RMND1: variants seen among roughly 807,000 people sequenced by gnomAD.
The protein encoded by RMND1 is required for meiotic nuclear division 1 homolog, also known as required for meiotic nuclear division protein 1 homolog.
A neutral mutation model predicts 54.0 loss-of-function variants in RMND1; 41 were observed. The ratio of observed to expected loss-of-function variants is 0.76; its 90% CI spans 0.59 to 0.98. The LOEUF (loss-of-function observed/expected upper bound fraction) is 0.98, where lower values mean the gene tolerates loss of function less well. Among genes scored for constraint, RMND1 ranks in the 50% least tolerant of loss-of-function variants. RMND1 has a pLI of 0.00. For synonymous variants in RMND1, 183 were observed against 181.7 expected (o/e 1.01, Z -0.06); for missense variants, 457 against 532.0 (o/e 0.86, Z 1.39).
rs781626994 is a variant in RMND1, at chr6:151,433,177, G to C, written c.667C>G (p.Pro223Ala). 4.3e-6 allele frequency: 7 copies of C among 1,611,316 alleles called. No homozygotes were observed. Among genetic ancestry groups the C allele is most frequent in the Non-Finnish European group, 5.9e-6 (7 of 1,178,230 alleles). ...TACCTGAAGAAGAATATTGTTCCAG[G>C]ATCACCTTCTTTTGCAGAATTTTCC... ...GVENSAKEGD[P>A]GTIFFFREGA... Residue 223 changes from proline to alanine, a missense_variant, in exon 4 of 12, where the codon CCT (proline) becomes GCT (alanine). Physicochemically the swap from Pro to Ala is conservative, Grantham distance 27 (BLOSUM62 -1). Coordinates refer to ENST00000444024, the MANE Select transcript of RMND1 (RefSeq NM_017909.4).
At chr6:151,413,613 A>G (rs1251410133) in intron 10 of RMND1, among the ~76,000 whole-genome samples, 7 of 152,224 alleles carry the variant, frequency 4.6e-5, no homozygotes, top group Non-Finnish European at 1.5e-5. Flanking sequence ...ACCACAGGAA[A>G]TACCTCAACT....
chr6:151,443,787 A>AT (rs1780862575), intron 2 of RMND1, among the ~76,000 whole-genome samples: 1 of 152,200 alleles, frequency 6.6e-6, no homozygotes, highest in Non-Finnish European at 1.5e-5. Context: ...CTCTGAAGAT[A>AT]TTTTTATGTT....
chr6:151,421,279 C>A lies in RMND1; in HGVS notation c.1045G>T (p.Val349Phe). 1 of 1,612,790 alleles carries A rather than the reference C, an allele frequency of 6.2e-7. No homozygotes were observed. Among genetic ancestry groups the A allele is most frequent in the Non-Finnish European group, 8.5e-7 (1 of 1,179,356 alleles). ...AAGAGTTCACCGATTTTCTGCATAA[C>A]TTCTTCATGAGATAGTTTCACTTTC... ...GKKVKLSHEEVMQKIGELFAL... is the reference protein window; with the variant it reads ...GKKVKLSHEEFMQKIGELFAL... Residue 349 changes from valine to phenylalanine, a missense_variant, in exon 9 of 12, where the codon GTT becomes TTT. Coordinates refer to ENST00000444024, the MANE Select transcript of RMND1 (RefSeq NM_017909.4).
chr6:151,405,759 G>C lies in RMND1; in HGVS notation c.1278C>G (p.Leu426=). The C allele has an allele frequency of 6.2e-7, 1 of 1,608,064 alleles. No homozygotes were observed. The highest frequency in any genetic ancestry group is 1.1e-5 in the South Asian group (1 of 90,944). Residue 426 remains leucine (L), a synonymous_variant, in exon 11 of 12, where the codon CTC becomes CTG. Coordinates refer to ENST00000444024, the MANE Select transcript of RMND1 (RefSeq NM_017909.4). Reference sequence around the variant, plus strand: ...GGATGACAATCATCCACTCCAAGCGGAGTGCCCTCTTCTCATTCAGGTGAT... The same window carrying C: ...GGATGACAATCATCCACTCCAAGCGCAGTGCCCTCTTCTCATTCAGGTGAT... ...MRNHLNEKRA[L]RLEWMIVILI...
Position 151,413,167 on chromosome 6 carries a change from G to A in RMND1, c.1200+4112C>T, listed in dbSNP as rs755740186. ...GAAGTGAATCTCTGAGATGACTGCA[G>A]CCTTGTGAGAAACACAGAATCAGAG... is the stretch of plus-strand genomic sequence containing the variant. On this transcript the variant is annotated intron_variant, in intron 10 of 11. Coordinates refer to ENST00000444024, the MANE Select transcript of RMND1 (RefSeq NM_017909.4). Among the ~76,000 whole-genome samples, 7 of 152,202 alleles carry A rather than the reference G, an allele frequency of 4.6e-5. No homozygotes were observed. The East Asian group carries it at 1.3e-3, about 29-fold the overall frequency.
At position 151,417,394 on chromosome 6, in the gene RMND1, C is replaced by T. The variant is rs142588921; in HGVS notation, c.1085G>A (p.Arg362His). ...KIGELFALRHRINLSSDFLIT... is the reference protein window; with the variant it reads ...KIGELFALRHHINLSSDFLIT... ...CAGGAAGTCTGAACTCAAGTTTATA[C>T]GGTGCCTTTAAAAAGGAAAATTATA... The change falls in exon 10 of 12, where the codon CGT (arginine) becomes CAT (histidine). Residue 362 changes from arginine (R) to histidine (H), a missense_variant. Physicochemically the swap from Arg to His is conservative, Grantham distance 29 (BLOSUM62 0). Coordinates refer to ENST00000444024, the MANE Select transcript of RMND1 (RefSeq NM_017909.4). The T allele has an allele frequency of 6.4e-4, 1,015 of 1,581,150 alleles. 3 individuals are homozygous for T. The Middle Eastern group carries it at 7.8e-3, about 12-fold the overall frequency.
In RMND1 at chr6:151,445,737, G is replaced by T. The variant is rs761280492; in HGVS notation, c.75C>A (p.Ile25=). Residue 25 remains isoleucine, a synonymous_variant, in exon 2 of 12, where the codon ATC becomes ATA. Coordinates refer to ENST00000444024, the MANE Select transcript of RMND1 (RefSeq NM_017909.4). ...TAAGTGGTTTTAACATTAGATGACC[G>T]ATTCTTCGGCACTGATGTGCTTTTG... ...ILSKAHQCRR[I]GHLMLKPLKE... is the part of the protein sequence containing the mutation. The T allele has an allele frequency of 9.9e-6, 16 of 1,613,786 alleles. No homozygotes were observed. The South Asian group carries it at 1.8e-4, about 18-fold the overall frequency.
At chr6:151,410,093 C>T (rs13207677) in intron 10 of RMND1, among the ~76,000 whole-genome samples, 4 of 148,716 alleles carry the variant, frequency 2.7e-5, no homozygotes, top group South Asian at 2.1e-4. Context: ...CTTGCTCTGT[C>T]ACCCAGGCTG....
rs560351511 is a variant in RMND1 at position 151,430,019 on chromosome 6, G to C, written c.729+119C>G. ...AAACTGATAAGTATCATGTAATGCAGAGCAAATAAGTTGTGCATAATCTAT... is the reference window on the plus strand; with the variant it reads ...AAACTGATAAGTATCATGTAATGCACAGCAAATAAGTTGTGCATAATCTAT... On this transcript the variant is annotated intron_variant, in intron 5 of 11. Coordinates refer to ENST00000444024, the MANE Select transcript of RMND1 (RefSeq NM_017909.4). 97 of 655,870 alleles carry C rather than the reference G, an allele frequency of 1.5e-4. No individual in the cohort carries two copies. The East Asian group carries it at 2.5e-3, about 17-fold the overall frequency. The allele number at this position is 655,870 out of a possible 1,614,324, so 40.6% of individuals were successfully genotyped here.
At chr6:151,439,739 A>C (rs1375222260) in intron 2 of RMND1, among the ~76,000 whole-genome samples, 1 of 152,100 alleles carries the variant, frequency 6.6e-6, no homozygotes, top group African/African-American at 2.4e-5. Flanking sequence ...GGCTCATCAC[A>C]ACCTCTGCCT....
intron 6 of RMND1, among the ~76,000 whole-genome samples, chr6:151,423,996 C>T (rs562712937): frequency 3.3e-5 from 5 of 151,826 alleles, no homozygotes; most frequent in Admixed American, 3.3e-4. Context: ...TACAGGCATG[C>T]GTAACCACAC....
rs1780411500 is a variant in RMND1 at position 151,430,116 on chromosome 6, TCA to T, written c.729+20_729+21del. On this transcript the variant is annotated intron_variant, in intron 5 of 11. Transcript: ENST00000444024. ...CTCACAAAACTAAATTTTTATATTT[TCA>T]CATTTTTATTTACACTTACAGTTTT... The T allele has an allele frequency of 6.6e-7, 1 of 1,525,408 alleles. No homozygotes were observed. The highest frequency in any genetic ancestry group is 1.7e-5 in the Admixed American group (1 of 57,378). The allele number at this position is 1,525,408 out of a possible 1,614,324, so 94.5% of individuals were successfully genotyped here.
At position 151,436,148 on chromosome 6, in the gene RMND1, C is replaced by T. The variant is rs773150172; in HGVS notation, c.613+298G>A. On this transcript the variant is annotated intron_variant, in intron 3 of 11. Transcript: ENST00000444024. The stretch of plus-strand genomic sequence containing the variant: ...AAAACACAAAACACACACAGACACA[C>T]ACAAACTAAAATAACTTCTTAATGT... 23 of 235,958 alleles carry T rather than the reference C, an allele frequency of 9.7e-5. 1 individual carries two copies. Among genetic ancestry groups the T allele is most frequent in the Non-Finnish European group, 1.4e-4 (17 of 119,216 alleles). 14.6% of individuals were successfully genotyped at this position (235,958 alleles called of 1,614,324 possible).
At chr6:151,410,282 C>T (rs1779787561) in intron 10 of RMND1, among the ~76,000 whole-genome samples, 1 of 152,068 alleles carries the variant, frequency 6.6e-6, no homozygotes, top group African/African-American at 2.4e-5. Context: ...GTCTGGATCT[C>T]CTGACCTTGT....
rs1694273076 is a variant in RMND1, at chr6:151,422,555, G to T, written c.988C>A (p.Gln330Lys). 1.3e-6 allele frequency: 2 copies of T among 1,527,910 alleles called. No individual in the cohort carries two copies. Among genetic ancestry groups the T allele is most frequent in the South Asian group, 2.5e-5 (2 of 80,234 alleles). 94.6% of individuals were successfully genotyped at this position (1,527,910 alleles called of 1,614,324 possible). Residue 330 changes from glutamine (Q) to lysine (K), a missense_variant, in exon 8 of 12, where the codon CAG (glutamine) becomes AAG (lysine). Transcript: ENST00000444024. Reference sequence around the variant, plus strand: ...GATATAATTACCTCAGGAATTGACTGAATAGATTCAATAAATTTATCCAGT... The same window carrying T: ...GATATAATTACCTCAGGAATTGACTTAATAGATTCAATAAATTTATCCAGT... ...ASLDKFIESIQSIPEALKAGK... is the reference protein window; with the variant it reads ...ASLDKFIESIKSIPEALKAGK...
intron 8 of RMND1, among the ~76,000 whole-genome samples, 188 bp from the exon 9 acceptor site, chr6:151,421,509 T>C (rs1387983770): frequency 6.6e-6 from 1 of 152,160 alleles, no homozygotes; most frequent in Non-Finnish European, 1.5e-5. Flanking sequence ...GTAGAAATTG[T>C]ATATTCTCTT....
At position 151,417,214 on chromosome 6, in the gene RMND1, T is replaced by TA. The variant is rs561289741; in HGVS notation, c.1200+64dup. On this transcript the variant is annotated intron_variant, in intron 10 of 11. Coordinates refer to ENST00000444024, the MANE Select transcript of RMND1 (RefSeq NM_017909.4). The stretch of plus-strand genomic sequence containing the variant: ...AACAAGATATTTCTCTGCAAGCAGT[T>TA]AAACATATTCAACTTATAGGCGACA... 272 of 1,513,514 alleles carry TA rather than the reference T, an allele frequency of 1.8e-4. 4 individuals are homozygous for TA. The African/African-American group carries it at 2.8e-3, about 16-fold the overall frequency. 93.8% of individuals were successfully genotyped at this position (1,513,514 alleles called of 1,614,324 possible).
rs760849379 is a variant in RMND1, at chr6:151,445,276, A to G, written c.504+32T>C. 4.7e-5 allele frequency: 74 copies of G among 1,572,558 alleles called. No homozygotes were observed. The Admixed American group carries it at 1.4e-3, about 29-fold the overall frequency. ...TGGTTTAGCATGAGCAATGATCACT[A>G]AGCACGAGAGCCACGGCCACCCCTA... On this transcript the variant is annotated intron_variant, in intron 2 of 11. Coordinates refer to ENST00000444024, the MANE Select transcript of RMND1 (RefSeq NM_017909.4).
At chr6:151,436,593 G>C (rs748867802) in intron 2 of RMND1, 39 bp from the exon 3 acceptor site, 1 of 1,606,538 alleles carries the variant, frequency 6.2e-7, no homozygotes, top group Non-Finnish European at 8.5e-7. Context: ...GTTACCAAGA[G>C]GCTGAAGCAT....
Sources: allele counts gnomAD v4.1 joint callset (sites outside exome capture counted in the v4.1 genomes callset), GRCh38; gene constraint gnomAD v4.1.1; transcripts MANE v1.5; gene names NCBI Gene and HGNC (gene_info 2026-07-23, HGNC 2026-07-21).